The following PTPRN2 variants were observed in gnomAD, a reference collection of about 807,000 sequenced individuals.
PTPRN2 encodes the protein receptor-type tyrosine-protein phosphatase N2.
Under a neutral mutation model 118.8 loss-of-function variants are expected in PTPRN2, and 74 were observed. That is an observed-to-expected ratio of 0.62 (90% confidence interval 0.52 to 0.76). The LOEUF (loss-of-function observed/expected upper bound fraction) is 0.76, where lower values mean the gene tolerates loss of function less well. Among genes scored for constraint, PTPRN2 ranks in the 30% least tolerant of loss-of-function variants. PTPRN2 has a pLI of 0.00. For missense variants in PTPRN2, 1,481 were observed against 1,394.4 expected (o/e 1.06, Z -0.99); for synonymous variants, 641 against 608.0 (o/e 1.05, Z -0.80).
chr7:157,642,364 C>T (rs1192396166), intron 14 of PTPRN2, among the ~76,000 whole-genome samples: 3 of 152,206 alleles, frequency 2.0e-5, no homozygotes, highest in Non-Finnish European at 2.9e-5. Context: ...TTATTAAACT[C>T]GTGTTAGGTT....
chr7:157,855,202 G>A (rs543176599), intron 12 of PTPRN2, among the ~76,000 whole-genome samples: 10 of 150,396 alleles, frequency 6.6e-5, no homozygotes, highest in South Asian at 2.1e-4. Flanking sequence ...GTGTGGGGCC[G>A]GATCGGGGAG....
chr7:158,494,527 C>T (rs973905011), intron 1 of PTPRN2, among the ~76,000 whole-genome samples: 2 of 152,310 alleles, frequency 1.3e-5, no homozygotes, highest in Non-Finnish European at 1.5e-5. Flanking sequence ...GGCTCAGCAC[C>T]GGCACCTGTT....
intron 2 of PTPRN2, among the ~76,000 whole-genome samples, chr7:158,330,450 C>A (rs111812830): frequency 9.8e-6 from 1 of 101,624 alleles, no homozygotes; most frequent in East Asian, 3.1e-4. Flanking sequence ...GAGCTGACAC[C>A]CGCAGACGTC....
chr7:158,264,423 C>G (rs367957153), intron 3 of PTPRN2, among the ~76,000 whole-genome samples: 2 of 152,108 alleles, frequency 1.3e-5, no homozygotes, highest in South Asian at 2.1e-4. Flanking sequence ...GTCCAAAGAT[C>G]GTGCTGAGCT....
intron 10 of PTPRN2, among the ~76,000 whole-genome samples, chr7:158,097,998 T>A (rs1336304037): frequency 6.6e-6 from 1 of 151,820 alleles, no homozygotes. Flanking sequence ...TCAGAGCTGC[T>A]CCCCTCGAGA....
Position 157,872,229 on chromosome 7 carries a change from C to T in PTPRN2, c.1788+26444G>A, listed in dbSNP as rs1811116632. 2.0e-5 allele frequency among the ~76,000 whole-genome samples: 3 copies of T among 146,988 alleles called. No homozygotes were observed. In the South Asian group the frequency reaches 6.6e-4, roughly 33 times the overall value. ...CAGTGTCCTCCGCATACACACATAC[C>T]CAGTGTCCTCCCCACACACACATAT... On this transcript the variant is annotated intron_variant, in intron 12 of 22. Coordinates refer to ENST00000389418, the MANE Select transcript of PTPRN2 (RefSeq NM_002847.5).
chr7:158,532,990 A>C (rs1284749464), intron 1 of PTPRN2, among the ~76,000 whole-genome samples: 1 of 152,234 alleles, frequency 6.6e-6, no homozygotes, highest in Non-Finnish European at 1.5e-5. Context: ...GGATTAACTT[A>C]AAGCAAAACA....
At chr7:158,326,818 C>A (rs1001299636) in intron 2 of PTPRN2, among the ~76,000 whole-genome samples, 3 of 93,220 alleles carry the variant, frequency 3.2e-5, no homozygotes, top group Non-Finnish European at 6.6e-5. Flanking sequence ...CACATGCACA[C>A]ATCCTCACAC....
At chr7:157,839,675 G>A (rs961503638) in intron 12 of PTPRN2, among the ~76,000 whole-genome samples, 2 of 151,420 alleles carry the variant, frequency 1.3e-5, no homozygotes, top group Non-Finnish European at 2.9e-5. Flanking sequence ...CTGTGTAGCT[G>A]TGTGGAATGT....
intron 2 of PTPRN2, among the ~76,000 whole-genome samples, chr7:158,423,486 G>A (rs1017858799): frequency 6.6e-5 from 10 of 152,012 alleles, no homozygotes; most frequent in Non-Finnish European, 1.2e-4. Context: ...ATGTCTCAAC[G>A]AAAATGTTCT....
chr7:158,191,067 G>A (rs1825724050), intron 5 of PTPRN2, among the ~76,000 whole-genome samples: 1 of 152,240 alleles, frequency 6.6e-6, no homozygotes, highest in Non-Finnish European at 1.5e-5. Context: ...CCCACGCTTG[G>A]TGCAAGGTTC....
chr7:157,700,512 C>T (rs779272605), intron 12 of PTPRN2, among the ~76,000 whole-genome samples: 2 of 152,202 alleles, frequency 1.3e-5, no homozygotes, highest in Non-Finnish European at 2.9e-5. Context: ...ACAATCAGAT[C>T]CCATTACTTT....
intron 12 of PTPRN2, among the ~76,000 whole-genome samples, chr7:157,823,938 G>A (rs57532297): frequency 0.017 from 2,528 of 152,284 alleles, 74 homozygotes; most frequent in African/African-American, 0.058. Context: ...AGCTGGGTAT[G>A]AGACAGACAG....
intron 1 of PTPRN2, among the ~76,000 whole-genome samples, chr7:158,523,287 G>T (rs934930993): frequency 2.6e-4 from 39 of 152,288 alleles, no homozygotes; most frequent in African/African-American, 9.4e-4. Context: ...CCACGGTGAG[G>T]GCTGGTGCGG....
At chr7:158,469,110 G>A (rs1386685405) in intron 2 of PTPRN2, among the ~76,000 whole-genome samples, 1 of 152,272 alleles carries the variant, frequency 6.6e-6, no homozygotes, top group African/African-American at 2.4e-5. Flanking sequence ...CACTCCTGGT[G>A]GATCAACAGT....
chr7:158,350,340 C>A (rs957601851), intron 2 of PTPRN2, among the ~76,000 whole-genome samples: 1 of 152,166 alleles, frequency 6.6e-6, no homozygotes, highest in African/African-American at 2.4e-5. Context: ...GGCTGGTTGC[C>A]GTGTTCCCAG....
intron 10 of PTPRN2, among the ~76,000 whole-genome samples, chr7:158,096,087 T>C (rs1162983456): frequency 6.6e-6 from 1 of 152,220 alleles, no homozygotes; most frequent in Admixed American, 6.5e-5. Flanking sequence ...AGAGTGTTTT[T>C]TTTCCTAACA....
In PTPRN2 at chr7:158,326,938, TAC is replaced by T. The variant is rs1238714229; in HGVS notation, c.164-10008_164-10007del. The stretch of plus-strand genomic sequence containing the variant: ...GCTCACACGTTCTCACATGCACACA[TAC>T]ACATTTTCACACATGCACACACGCA... On this transcript the variant is annotated intron_variant, in intron 2 of 22. Transcript: ENST00000389418. Among the ~76,000 whole-genome samples the T allele has an allele frequency of 1.3e-4, 18 of 139,842 alleles. 1 individual carries two copies. The highest frequency in any genetic ancestry group is 4.5e-4 in the East Asian group (2 of 4,466). 91.7% of individuals were successfully genotyped at this position (139,842 alleles called of 152,430 possible). A position where few individuals can be genotyped will look rare whatever the true frequency, so the allele number is the denominator to read the frequency against.
At chr7:158,470,331 A>G (rs1819763845) in intron 2 of PTPRN2, among the ~76,000 whole-genome samples, 1 of 152,084 alleles carries the variant, frequency 6.6e-6, no homozygotes, top group Non-Finnish European at 1.5e-5. Flanking sequence ...GCTTGTTTTT[A>G]TTTTTTACAT....
Sources: allele counts gnomAD v4.1 joint callset (sites outside exome capture counted in the v4.1 genomes callset), GRCh38; gene constraint gnomAD v4.1.1; transcripts MANE v1.5; gene names NCBI Gene and HGNC (gene_info 2026-07-23, HGNC 2026-07-21).